MYT1L: variants seen among roughly 807,000 people sequenced by gnomAD.
MYT1L encodes myelin transcription factor 1-like protein.
Under a neutral mutation model 126.7 loss-of-function variants are expected in MYT1L, and 12 were observed. The observed-to-expected ratio is 0.09, with a 90% confidence interval of 0.06 to 0.15. The LOEUF is 0.15. Ranked by LOEUF, MYT1L falls within the 10% of genes least tolerant of loss-of-function variation. MYT1L has a pLI of 1.00. For missense variants in MYT1L, 979 were observed against 1,585.2 expected (o/e 0.62, Z 6.49); for synonymous variants, 541 against 604.2 (o/e 0.90, Z 1.53).
chr2:2,026,057 G>C (rs1271008251), intron 4 of MYT1L, among the ~76,000 whole-genome samples: 1 of 152,230 alleles, frequency 6.6e-6, no homozygotes, highest in Middle Eastern at 3.2e-3. Context: ...TCATTTAACA[G>C]ACTTTCCCTC....
At chr2:2,329,848 T>C (rs949163605) in intron 1 of MYT1L, among the ~76,000 whole-genome samples, 1 of 152,104 alleles carries the variant, frequency 6.6e-6, no homozygotes, top group Non-Finnish European at 1.5e-5. Flanking sequence ...TTCTTTTAGG[T>C]CAATCAGAAA....
Position 2,266,139 on chromosome 2 carries a change from G to A in MYT1L, c.-421+18265C>T, listed in dbSNP as rs140376911. ...TTCAGTCTTCACAATAGCTCTACGA[G>A]GCAGGTTCTATCTCCATTTTATAGG... On this transcript the variant is annotated intron_variant, in intron 2 of 24. Transcript: ENST00000647738. 2.9e-3 allele frequency among the ~76,000 whole-genome samples: 438 copies of A among 152,286 alleles called. 2 individuals carry two copies. Among genetic ancestry groups the A allele is most frequent in the African/African-American group, 0.01 (423 of 41,558 alleles).
chr2:2,231,858 T>C (rs888349497), intron 2 of MYT1L, among the ~76,000 whole-genome samples: 1 of 152,206 alleles, frequency 6.6e-6, no homozygotes, highest in African/African-American at 2.4e-5. Context: ...TCTAGTCTTA[T>C]ATTTAGTCTT....
chr2:2,110,824 G>A (rs1304777227), intron 3 of MYT1L, among the ~76,000 whole-genome samples: 5 of 152,040 alleles, frequency 3.3e-5, no homozygotes, highest in Non-Finnish European at 5.9e-5. Context: ...CTGTGTAGAC[G>A]CTTATGGGGG....
chr2:2,007,671 G>GT (rs892852514), intron 4 of MYT1L, among the ~76,000 whole-genome samples: 10 of 152,118 alleles, frequency 6.6e-5, no homozygotes, highest in African/African-American at 1.7e-4. Flanking sequence ...GTCCCAACTT[G>GT]TTTTTTTCCA....
chr2:1,931,509 C>T (rs536531334), intron 9 of MYT1L, among the ~76,000 whole-genome samples: 1 of 151,342 alleles, frequency 6.6e-6, no homozygotes, highest in Non-Finnish European at 1.5e-5. Flanking sequence ...CAAGTACTTC[C>T]TCCACCCTCA....
intron 4 of MYT1L, among the ~76,000 whole-genome samples, chr2:2,038,741 G>C (rs554278964): frequency 1.3e-5 from 2 of 152,166 alleles, no homozygotes; most frequent in South Asian, 4.2e-4. Flanking sequence ...AAGGTCACAG[G>C]TGGTGAGGCC....
At chr2:1,846,242 G>A (rs543806859) in intron 19 of MYT1L, among the ~76,000 whole-genome samples, 3 of 152,308 alleles carry the variant, frequency 2.0e-5, no homozygotes, top group Non-Finnish European at 2.9e-5. Flanking sequence ...CCTGTACCTC[G>A]AGGCTAGGAA....
At position 2,248,820 on chromosome 2, in the gene MYT1L, C is replaced by T. The variant is rs182227101; in HGVS notation, c.-421+35584G>A. Among the ~76,000 whole-genome samples the T allele has an allele frequency of 4.0e-3, 616 of 152,224 alleles. 5 individuals carry two copies. Among genetic ancestry groups the T allele is most frequent in the African/African-American group, 0.014 (597 of 41,552 alleles). On this transcript the variant is annotated intron_variant, in intron 2 of 24. Coordinates refer to ENST00000647738, the MANE Select transcript of MYT1L (RefSeq NM_001303052.2). ...TGAAAAAGCATGTGATAAAGTTCAA[C>T]ATCGCTTTATGATAAAATCCCTCAA...
intron 4 of MYT1L, among the ~76,000 whole-genome samples, chr2:2,002,254 G>A (rs533947744): frequency 1.3e-5 from 2 of 152,274 alleles, no homozygotes; most frequent in Non-Finnish European, 2.9e-5. Flanking sequence ...GAGACTTGGT[G>A]TGTGATTGTG....
intron 2 of MYT1L, among the ~76,000 whole-genome samples, chr2:2,278,745 T>C (rs2095404499): frequency 6.6e-6 from 1 of 152,236 alleles, no homozygotes; most frequent in Non-Finnish European, 1.5e-5. Flanking sequence ...AAATTTAATG[T>C]ATAAAGTTAT....
intron 19 of MYT1L, among the ~76,000 whole-genome samples, chr2:1,845,505 C>T (rs1009658430): frequency 6.6e-6 from 1 of 152,122 alleles, no homozygotes; most frequent in Admixed American, 6.5e-5. Context: ...TTGCTGCATC[C>T]CAGGCCCTCC....
intron 5 of MYT1L, among the ~76,000 whole-genome samples, chr2:1,992,777 A>G (rs1044683733): frequency 1.3e-5 from 2 of 152,200 alleles, no homozygotes; most frequent in Admixed American, 6.5e-5. Context: ...TGGGGACTAC[A>G]TTGCCCTTGT....
chr2:2,201,527 G>C (rs2093071828), intron 2 of MYT1L, among the ~76,000 whole-genome samples: 1 of 152,020 alleles, frequency 6.6e-6, no homozygotes, highest in Non-Finnish European at 1.5e-5. Context: ...GTGAAACCCT[G>C]TCTCTACTGA....
chr2:2,272,115 C>G (rs964354416), intron 2 of MYT1L, among the ~76,000 whole-genome samples: 2 of 152,116 alleles, frequency 1.3e-5, no homozygotes, highest in African/African-American at 4.8e-5. Context: ...CGACAGTCAC[C>G]CTTATTGCCC....
At chr2:2,119,353 A>T (rs1403462775) in intron 3 of MYT1L, among the ~76,000 whole-genome samples, 1 of 152,258 alleles carries the variant, frequency 6.6e-6, no homozygotes, top group Non-Finnish European at 1.5e-5. Flanking sequence ...ATCTATGAAA[A>T]ATGTAGTCTA....
intron 3 of MYT1L, among the ~76,000 whole-genome samples, chr2:2,128,377 C>T (rs2081975076): frequency 1.3e-5 from 2 of 152,166 alleles, no homozygotes; most frequent in Admixed American, 6.5e-5. Context: ...GTCTTGAACT[C>T]CTGACCTCAA....
Position 1,891,952 on chromosome 2 carries a change from G to A in MYT1L, c.2283+85C>T, listed in dbSNP as rs2148874388. On this transcript the variant is annotated intron_variant, in intron 15 of 24. Coordinates refer to ENST00000647738, the MANE Select transcript of MYT1L (RefSeq NM_001303052.2). Reference sequence around the variant, plus strand: ...GGCGTTTGCCCCATACAGCTGCCCCGAAAGCGCCGCGTGTCTCGGTGGCTG... The same window carrying A: ...GGCGTTTGCCCCATACAGCTGCCCCAAAAGCGCCGCGTGTCTCGGTGGCTG... The A allele has an allele frequency of 2.8e-6, 4 of 1,437,862 alleles. No homozygotes were observed. The East Asian group carries it at 7.6e-5, about 27-fold the overall frequency. The allele number at this position is 1,437,862 out of a possible 1,614,324, so 89.1% of individuals were successfully genotyped here.
intron 2 of MYT1L, among the ~76,000 whole-genome samples, chr2:2,197,859 A>T (rs555693459): frequency 1.4e-5 from 2 of 148,046 alleles, no homozygotes; most frequent in South Asian, 4.2e-4. Flanking sequence ...TGTACCTAAC[A>T]TACACACATA....
Sources: gnomAD v4.1 joint callset for allele counts (sites outside exome capture counted in the v4.1 genomes callset) on GRCh38, gnomAD v4.1.1 for gene constraint, MANE v1.5 for transcripts, NCBI Gene and HGNC (gene_info 2026-07-23, HGNC 2026-07-21) for gene names.